OTOA: variants seen among roughly 807,000 people sequenced by gnomAD.
OTOA encodes the protein cancer/testis antigen 108.
In OTOA, 70 loss-of-function variants were observed where a neutral mutation model predicts 110.8. That is an observed-to-expected ratio of 0.63 (90% CI 0.52 to 0.77). The LOEUF is 0.77. OTOA is among the 30% of genes least tolerant of loss of function. The pLI, the probability that OTOA is intolerant of heterozygous loss-of-function variation, is 0.00. For synonymous variants in OTOA, 373 were observed against 431.5 expected (o/e 0.86, Z 1.68); for missense variants, 917 against 1,075.8 (o/e 0.85, Z 2.06).
Position 21,700,204 on chromosome 16 carries a change from C to T in OTOA, c.841-684C>T, listed in dbSNP as rs146978504. ...AGAACACATACTCTTTTCCATCACC[C>T]AAGGGCCATTTATAAACTCATTCAT... On this transcript the variant is annotated intron_variant, in intron 10 of 28. Coordinates refer to ENST00000646100, the MANE Select transcript of OTOA (RefSeq NM_144672.4). 9.1e-4 allele frequency among the ~76,000 whole-genome samples: 138 copies of T among 152,198 alleles called. 3 individuals carry two copies. In the South Asian group the frequency reaches 0.016, roughly 18 times the overall value.
At chr16:21,701,106 AC>A in intron 11 of OTOA, 79 bp downstream of exon 11, 1 of 1,595,986 alleles carries the variant, frequency 6.3e-7, no homozygotes. Flanking sequence ...GCAGCAAAAC[AC>A]CCAGGGAGGG....
At chr16:21,714,369 CTCTCTCT>C in intron 13 of OTOA, among the ~76,000 whole-genome samples, 2 of 117,106 alleles carry the variant, frequency 1.7e-5, no homozygotes, top group Non-Finnish European at 3.8e-5. Flanking sequence ...CTCTTTCTTT[CTCTCTCT>C]TTCTCTCTTT....
At chr16:21,691,725 G>T (rs1334138673) in intron 9 of OTOA, 38 bp downstream of exon 9, 1 of 1,526,372 alleles carries the variant, frequency 6.6e-7, no homozygotes, top group Non-Finnish European at 9.1e-7. Flanking sequence ...CTTTTTGGGG[G>T]AAGAATATCT....
chr16:21,703,544 G>A (rs1234480784), intron 11 of OTOA, among the ~76,000 whole-genome samples: 1 of 152,064 alleles, frequency 6.6e-6, no homozygotes, highest in Non-Finnish European at 1.5e-5. Context: ...GGACACTTAG[G>A]ATGATTCCAT....
At chr16:21,704,868 G>A (rs780886165) in intron 11 of OTOA, 5 of 769,954 alleles carry the variant, frequency 6.5e-6, no homozygotes, top group Non-Finnish European at 9.7e-6. Context: ...ATGCTGGGAG[G>A]TGTGATCTGA....
chr16:21,677,134 A>C (rs1317370561), intron 1 of OTOA, among the ~76,000 whole-genome samples: 1 of 152,156 alleles, frequency 6.6e-6, no homozygotes, highest in Non-Finnish European at 1.5e-5. Context: ...ATTGTTTCCA[A>C]TATCTGGCTA....
intron 8 of OTOA, among the ~76,000 whole-genome samples, chr16:21,690,251 C>T (rs1040559782): frequency 1.6e-4 from 24 of 152,004 alleles, no homozygotes; most frequent in African/African-American, 1.2e-4. Flanking sequence ...CATAGGTAAA[C>T]GTGTACCATG....
Position 21,719,073 on chromosome 16 carries a change from C to T in OTOA, c.1630-60C>T, listed in dbSNP as rs148440252. 4.1e-4 allele frequency: 624 copies of T among 1,519,624 alleles called. 4 individuals carry two copies. The East Asian group carries it at 0.013, about 31-fold the overall frequency. The allele number at this position is 1,519,624 out of a possible 1,614,324, so 94.1% of individuals were successfully genotyped here. ...GTGGAATGCCTTCCTGATAGGGCCT[C>T]ACAGTGTTGGGCACACGCTGAGTGT... is the stretch of plus-strand genomic sequence containing the variant. On this transcript the variant is annotated intron_variant, in intron 15 of 28. Coordinates refer to ENST00000646100, the MANE Select transcript of OTOA (RefSeq NM_144672.4).
chr16:21,751,356 C>T (rs1182152265), intron 24 of OTOA, among the ~76,000 whole-genome samples: 3 of 20,106 alleles, frequency 1.5e-4, no homozygotes, highest in African/African-American at 3.6e-4. Flanking sequence ...GGTGAAACCC[C>T]GTCTCTACAA....
intron 11 of OTOA, among the ~76,000 whole-genome samples, chr16:21,703,325 T>A (rs1417142279): frequency 1.3e-5 from 2 of 152,056 alleles, no homozygotes; most frequent in Admixed American, 6.6e-5. Flanking sequence ...GAGTATGACG[T>A]TTGTTTATTT....
intron 12 of OTOA, among the ~76,000 whole-genome samples, chr16:21,706,097 A>G (rs1898161753): frequency 7.1e-6 from 1 of 141,834 alleles, no homozygotes; most frequent in Non-Finnish European, 1.6e-5. Context: ...TAAAAAAAAG[A>G]ACAGAAAAGA....
At chr16:21,722,201 G>T (rs1454774280) in intron 17 of OTOA, among the ~76,000 whole-genome samples, 1 of 149,658 alleles carries the variant, frequency 6.7e-6, no homozygotes, top group Non-Finnish European at 1.5e-5. Flanking sequence ...GGCGGAGGTT[G>T]CAGTGAGCTG....
chr16:21,692,853 A>T (rs899167765), intron 9 of OTOA, among the ~76,000 whole-genome samples: 5 of 145,240 alleles, frequency 3.4e-5, no homozygotes, highest in African/African-American at 1.3e-4. Flanking sequence ...ACTTGAACCC[A>T]GGAGGTGGAG....
chr16:21,701,755 A>T (rs1898057288), intron 11 of OTOA, among the ~76,000 whole-genome samples: 1 of 151,828 alleles, frequency 6.6e-6, no homozygotes, highest in Non-Finnish European at 1.5e-5. Flanking sequence ...AGTAGCTGGG[A>T]CTACAGATGT....
intron 9 of OTOA, among the ~76,000 whole-genome samples, chr16:21,695,955 T>C (rs181412402): frequency 3.6e-5 from 5 of 138,752 alleles, no homozygotes; most frequent in African/African-American, 1.4e-4. Flanking sequence ...AGTGCAGTGG[T>C]ATGATCTCAG....
chr16:21,703,040 G>A (rs1369242078), intron 11 of OTOA, among the ~76,000 whole-genome samples: 2 of 152,050 alleles, frequency 1.3e-5, no homozygotes, highest in Non-Finnish European at 2.9e-5. Flanking sequence ...TGTGCAACAT[G>A]TTTTGAGATA....
At chr16:21,668,090 A>G (rs1043744390) in intron 1 of OTOA, among the ~76,000 whole-genome samples, 3 of 152,234 alleles carry the variant, frequency 2.0e-5, no homozygotes, top group Non-Finnish European at 2.9e-5. Context: ...AGGGGTTCAA[A>G]TTTCCTCAAT....
At chr16:21,725,325 C>G (rs1250976464) in intron 18 of OTOA, among the ~76,000 whole-genome samples, 1 of 152,072 alleles carries the variant, frequency 6.6e-6, no homozygotes, top group Non-Finnish European at 1.5e-5. Flanking sequence ...CATTCTGTCA[C>G]CCAGGTTGGA....
chr16:21,664,691 G>A (rs1395602808), intron 1 of OTOA, among the ~76,000 whole-genome samples: 2 of 152,078 alleles, frequency 1.3e-5, no homozygotes, highest in African/African-American at 4.8e-5. Flanking sequence ...GAAAAATGCA[G>A]GTAAAGGCCG....
Sources: allele counts gnomAD v4.1 joint callset (sites outside exome capture counted in the v4.1 genomes callset), GRCh38; gene constraint gnomAD v4.1.1; transcripts MANE v1.5; gene names NCBI Gene and HGNC (gene_info 2026-07-23, HGNC 2026-07-21).